The following ATF6 variants were observed in gnomAD, a reference collection of about 807,000 sequenced individuals.
ATF6 encodes the protein activating transcription factor 6.
Under a neutral mutation model 83.6 loss-of-function variants are expected in ATF6, and 53 were observed. The ratio of observed to expected loss-of-function variants is 0.63; its 90% CI spans 0.51 to 0.80. The LOEUF is 0.80. ATF6 is among the 30% of genes least tolerant of loss of function. ATF6 has a pLI of 0.00. For synonymous variants in ATF6, 288 were observed against 285.8 expected (o/e 1.01, Z -0.08); for missense variants, 744 against 797.9 (o/e 0.93, Z 0.81).
At chr1:161,946,079 T>A (rs1688741774) in intron 15 of ATF6, among the ~76,000 whole-genome samples, 1 of 152,144 alleles carries the variant, frequency 6.6e-6, no homozygotes, top group Non-Finnish European at 1.5e-5. Context: ...GATCTCAGCT[T>A]TCTGCAGCCT....
At chr1:161,814,619 G>A (rs1685564739) in intron 7 of ATF6, among the ~76,000 whole-genome samples, 1 of 152,122 alleles carries the variant, frequency 6.6e-6, no homozygotes, top group South Asian at 2.1e-4. Flanking sequence ...ATGGGAGCTG[G>A]TTATATGCAT....
At chr1:161,830,591 A>G (rs1396676819) in intron 9 of ATF6, among the ~76,000 whole-genome samples, 1 of 152,232 alleles carries the variant, frequency 6.6e-6, no homozygotes, top group African/African-American at 2.4e-5. Context: ...TACTGGTACC[A>G]AAACAGAGAT....
At chr1:161,852,420 AT>A (rs1034640640) in intron 11 of ATF6, among the ~76,000 whole-genome samples, 1 of 151,458 alleles carries the variant, frequency 6.6e-6, no homozygotes. Flanking sequence ...AAAAATTTGA[AT>A]TTTTTTTTAC....
At chr1:161,898,268 G>A (rs1687714546) in intron 14 of ATF6, among the ~76,000 whole-genome samples, 1 of 152,148 alleles carries the variant, frequency 6.6e-6, no homozygotes, top group Non-Finnish European at 1.5e-5. Flanking sequence ...AGAGACTAGA[G>A]TACTAATATT....
chr1:161,829,326 A>G (rs1685989413), intron 9 of ATF6, among the ~76,000 whole-genome samples: 2 of 148,966 alleles, frequency 1.3e-5, no homozygotes, highest in Admixed American at 1.4e-4. Context: ...TTAACACCCC[A>G]CTGTCAACAT....
At chr1:161,848,932 CTTT>C (rs781537056) in intron 10 of ATF6, among the ~76,000 whole-genome samples, 1 of 140,192 alleles carries the variant, frequency 7.1e-6, no homozygotes, top group African/African-American at 2.6e-5. Flanking sequence ...TCCTATCAGA[CTTT>C]TTTTTTTTTT....
At chr1:161,796,044 G>A (rs35699192) in intron 6 of ATF6, among the ~76,000 whole-genome samples, 3,202 of 152,224 alleles carry the variant, frequency 0.021, 51 homozygotes, top group Middle Eastern at 0.034. Context: ...GGCTTGGTAG[G>A]ACTCAAGCCA....
intron 14 of ATF6, among the ~76,000 whole-genome samples, chr1:161,869,820 T>G (rs537173619): frequency 6.6e-6 from 1 of 151,954 alleles, no homozygotes; most frequent in Non-Finnish European, 1.5e-5. Flanking sequence ...TATTAACACT[T>G]CAATGTATAC....
chr1:161,820,752 A>T (rs1455731282), intron 8 of ATF6, among the ~76,000 whole-genome samples: 1 of 152,072 alleles, frequency 6.6e-6, no homozygotes, highest in African/African-American at 2.4e-5. Flanking sequence ...GTCTCAAAAA[A>T]ATATATATAC....
intron 9 of ATF6, among the ~76,000 whole-genome samples, chr1:161,822,160 A>G (rs916269484): frequency 1.1e-4 from 17 of 152,182 alleles, no homozygotes; most frequent in Non-Finnish European, 2.2e-4. Flanking sequence ...AACATTATAG[A>G]TAGGTAGGTA....
chr1:161,779,462 G>A (rs1435554134), intron 2 of ATF6, among the ~76,000 whole-genome samples: 3 of 152,094 alleles, frequency 2.0e-5, no homozygotes, highest in Non-Finnish European at 2.9e-5. Context: ...TCTTCCAAAC[G>A]GCAATAGAAT....
chr1:161,829,150 A>T (rs1042346201), intron 9 of ATF6, among the ~76,000 whole-genome samples: 6 of 150,820 alleles, frequency 4.0e-5, no homozygotes, highest in African/African-American at 1.5e-4. Context: ...TTAGAGACCT[A>T]CAAAGAGACT....
chr1:161,924,965 T>C (rs1473071635), intron 15 of ATF6, among the ~76,000 whole-genome samples: 1 of 152,246 alleles, frequency 6.6e-6, no homozygotes, highest in Non-Finnish European at 1.5e-5. Context: ...ATCACCGCCA[T>C]GTATAGAGAC....
chr1:161,875,940 G>C (rs1031543325), intron 14 of ATF6, among the ~76,000 whole-genome samples: 1 of 151,876 alleles, frequency 6.6e-6, no homozygotes, highest in African/African-American at 2.4e-5. Context: ...TACATTGACT[G>C]TGTGTGGTAT....
chr1:161,836,204 T>G (rs887054261), intron 9 of ATF6, among the ~76,000 whole-genome samples: 4 of 152,256 alleles, frequency 2.6e-5, no homozygotes, highest in African/African-American at 9.6e-5. Flanking sequence ...CATTATTTTA[T>G]AGGAAGAATT....
chr1:161,779,777 G>T (rs1183677985), intron 2 of ATF6, among the ~76,000 whole-genome samples: 1 of 151,918 alleles, frequency 6.6e-6, no homozygotes, highest in Non-Finnish European at 1.5e-5. Flanking sequence ...GCACTCTGTT[G>T]CCCAGGCTGG....
chr1:161,870,917 C>A (rs1415402018), intron 14 of ATF6, among the ~76,000 whole-genome samples: 2 of 151,660 alleles, frequency 1.3e-5, no homozygotes, highest in African/African-American at 4.8e-5. Context: ...ATTTGGTAGT[C>A]TTATTATTAT....
At chr1:161,913,478 A>G (rs913627876) in intron 15 of ATF6, among the ~76,000 whole-genome samples, 1 of 152,194 alleles carries the variant, frequency 6.6e-6, no homozygotes, top group African/African-American at 2.4e-5. Flanking sequence ...CTGTATATAG[A>G]CAGCTTATTA....
At chr1:161,847,077 CTTGT>C (rs1470329463) in intron 10 of ATF6, among the ~76,000 whole-genome samples, 1 of 152,050 alleles carries the variant, frequency 6.6e-6, no homozygotes, top group African/African-American at 2.4e-5. Context: ...TTCCATATTG[CTTGT>C]CAATAGCAAA....
Sources: allele counts gnomAD v4.1 joint callset (sites outside exome capture counted in the v4.1 genomes callset), GRCh38; gene constraint gnomAD v4.1.1; transcripts MANE v1.5; gene names NCBI Gene and HGNC (gene_info 2026-07-23, HGNC 2026-07-21).